The following ENTREP2 variants were observed in gnomAD, a reference collection of about 807,000 sequenced individuals.
The protein encoded by ENTREP2 is endosomal transmembrane epsin interactor 2.
At chr15:29,387,907 G>T in the ENTREP2 span, among the ~76,000 whole-genome samples, 10 of 152,314 alleles carry the variant, frequency 6.6e-5, no homozygotes, top group East Asian at 1.9e-3. Context: ...GGGAAAACTG[G>T]CTAGCCATAC....
chr15:29,634,074 A>C, the ENTREP2 span, among the ~76,000 whole-genome samples: 2 of 152,262 alleles, frequency 1.3e-5, no homozygotes, highest in African/African-American at 4.8e-5. Context: ...CAAGCTGGCC[A>C]CACCTGGCAC....
the ENTREP2 span, among the ~76,000 whole-genome samples, chr15:29,382,402 A>G: frequency 6.6e-6 from 1 of 151,658 alleles, no homozygotes; most frequent in Admixed American, 6.6e-5. Context: ...CCCTATACAC[A>G]CTTGGCTCCC....
chr15:29,604,661 C>T, the ENTREP2 span, among the ~76,000 whole-genome samples: 19 of 152,222 alleles, frequency 1.2e-4, no homozygotes, highest in South Asian at 3.3e-3. Context: ...TGAAATTCAA[C>T]GTGGAACTTA....
the ENTREP2 span, among the ~76,000 whole-genome samples, chr15:29,282,377 G>C: frequency 4.6e-5 from 7 of 152,308 alleles, no homozygotes; most frequent in South Asian, 1.4e-3. Context: ...GAAACTGTGA[G>C]TCCATTAAAC....
chr15:29,636,430 A>C, the ENTREP2 span, among the ~76,000 whole-genome samples: 2,106 of 152,340 alleles, frequency 0.014, 43 homozygotes, highest in African/African-American at 0.048. Flanking sequence ...CCCGTGGGGC[A>C]CATCAGAGGC....
At chr15:29,480,361 A>C in the ENTREP2 span, among the ~76,000 whole-genome samples, 6 of 147,790 alleles carry the variant, frequency 4.1e-5, no homozygotes, top group Non-Finnish European at 8.9e-5. Context: ...AAAAAAAAAA[A>C]AAAAACCCAC....
chr15:29,501,658 TA>T, the ENTREP2 span, among the ~76,000 whole-genome samples: 1 of 151,978 alleles, frequency 6.6e-6, no homozygotes, highest in Non-Finnish European at 1.5e-5. Context: ...TACTGGAGGT[TA>T]TAGCCAGGGC....
chr15:29,306,664 A>ATTTTTTTTTTTTTTT, the ENTREP2 span, among the ~76,000 whole-genome samples: 26 of 77,334 alleles, frequency 3.4e-4, 6 homozygotes, highest in Non-Finnish European at 5.8e-4. Context: ...ATAATTGGTA[A>ATTTTTTTTTTTTTTT]TTTTTTTTTT....
the ENTREP2 span, among the ~76,000 whole-genome samples, chr15:29,274,384 C>T: frequency 6.6e-6 from 1 of 152,160 alleles, no homozygotes; most frequent in Admixed American, 6.5e-5. Context: ...AGCCAATCTG[C>T]CTCCAGAGAG....
the ENTREP2 span, among the ~76,000 whole-genome samples, chr15:29,360,520 T>A: frequency 7.9e-5 from 12 of 152,330 alleles, no homozygotes; most frequent in East Asian, 2.3e-3. Flanking sequence ...CAAACAAGAT[T>A]ATGAAATTTG....
At chr15:29,480,908 C>T in the ENTREP2 span, among the ~76,000 whole-genome samples, 1 of 152,106 alleles carries the variant, frequency 6.6e-6, no homozygotes, top group African/African-American at 2.4e-5. Flanking sequence ...TGAGGTGGCC[C>T]CCAAGGGCCA....
the ENTREP2 span, among the ~76,000 whole-genome samples, chr15:29,292,774 A>C: frequency 2.0e-5 from 3 of 152,200 alleles, no homozygotes; most frequent in African/African-American, 7.2e-5. Flanking sequence ...TCCATCTAGA[A>C]GCTGTACATC....
chr15:29,653,288 A>G, the ENTREP2 span, among the ~76,000 whole-genome samples: 1 of 152,078 alleles, frequency 6.6e-6, no homozygotes, highest in African/African-American at 2.4e-5. Context: ...AATGACCAAA[A>G]CCACAAATTT....
chr15:29,184,067 C>G, the ENTREP2 span, among the ~76,000 whole-genome samples: 1 of 152,028 alleles, frequency 6.6e-6, no homozygotes, highest in African/African-American at 2.4e-5. Flanking sequence ...TGCATGCAGC[C>G]TCAACCTCTC....
At chr15:29,556,768 C>CCA in the ENTREP2 span, among the ~76,000 whole-genome samples, 1 of 115,016 alleles carries the variant, frequency 8.7e-6, no homozygotes, top group African/African-American at 2.9e-5. Flanking sequence ...AGGTGCCCCC[C>CCA]CCCCGCCCCA....
At chr15:29,119,920 C>T in the ENTREP2 span, among the ~76,000 whole-genome samples, 1 of 152,170 alleles carries the variant, frequency 6.6e-6, no homozygotes, top group Admixed American at 6.5e-5. Flanking sequence ...GCAGGACTCC[C>T]ACCAAATCAT....
chr15:29,562,505 G>C, the ENTREP2 span, among the ~76,000 whole-genome samples: 11 of 151,996 alleles, frequency 7.2e-5, no homozygotes, highest in African/African-American at 1.7e-4. Context: ...CAAGCCATGG[G>C]GTAAATGCAA....
At chr15:29,386,253 G>A in the ENTREP2 span, among the ~76,000 whole-genome samples, 1 of 152,196 alleles carries the variant, frequency 6.6e-6, no homozygotes, top group South Asian at 2.1e-4. Context: ...TGGCAAAACT[G>A]AAAGAGCACT....
chr15:29,422,641 T>C, the ENTREP2 span, among the ~76,000 whole-genome samples: 1 of 152,214 alleles, frequency 6.6e-6, no homozygotes, highest in Non-Finnish European at 1.5e-5. Flanking sequence ...AAGGTAACCC[T>C]ACCCCCACCC....
Sources: allele counts gnomAD v4.1 joint callset (sites outside exome capture counted in the v4.1 genomes callset), GRCh38; gene constraint gnomAD v4.1.1; transcripts MANE v1.5; gene names NCBI Gene and HGNC (gene_info 2026-07-23, HGNC 2026-07-21).